The following CFAP54 variants were observed in gnomAD, a reference collection of about 807,000 sequenced individuals.
CFAP54 encodes the protein cilia and flagella associated protein 54.
A neutral mutation model predicts 370.4 loss-of-function variants in CFAP54; 290 were observed. The ratio of observed to expected loss-of-function variants is 0.78; its 90% CI spans 0.71 to 0.86. The LOEUF is 0.86. CFAP54 is among the 40% of genes least tolerant of loss of function. The pLI is 0.00. For synonymous variants in CFAP54, 1,206 were observed against 1,236.5 expected (o/e 0.98, Z 0.52); for missense variants, 3,399 against 3,528.7 (o/e 0.96, Z 0.93).
chr12:96,496,053 C>T (rs1203593696), intron 1 of CFAP54, among the ~76,000 whole-genome samples: 4 of 152,176 alleles, frequency 2.6e-5, no homozygotes, highest in African/African-American at 9.7e-5. Flanking sequence ...CAAAACACCT[C>T]TCCCCTTTTA....
At chr12:96,746,149 C>G (rs1958112262) in intron 55 of CFAP54, among the ~76,000 whole-genome samples, 1 of 152,108 alleles carries the variant, frequency 6.6e-6, no homozygotes, top group African/African-American at 2.4e-5. Context: ...ACTTTTACCC[C>G]TCTCTCACAT....
intron 40 of CFAP54, among the ~76,000 whole-genome samples, chr12:96,683,027 A>T (rs1479233757): frequency 6.6e-6 from 1 of 152,196 alleles, no homozygotes; most frequent in Non-Finnish European, 1.5e-5. Flanking sequence ...CCCATACGAT[A>T]GACCCAATGT....
chr12:96,708,791 C>G lies in CFAP54; in HGVS notation c.6712C>G (p.Pro2238Ala), dbSNP rs1468584458. The G allele has an allele frequency of 6.3e-7, 1 of 1,593,648 alleles. No individual in the cohort carries two copies. The highest frequency in any genetic ancestry group is 8.5e-7 in the Non-Finnish European group (1 of 1,170,868). The change falls in exon 48 of 68, where the codon CCA (proline) becomes GCA (alanine). Residue 2238 changes from proline (P) to alanine (A), a missense_variant. Physicochemically the swap from Pro to Ala is conservative, Grantham distance 27. Coordinates refer to ENST00000524981, the MANE Select transcript of CFAP54 (RefSeq NM_001306084.2). ...VITNKSKPNL[P>A]NLEEIYSKDD... ...TACCAACAAGAGCAAACCAAACCTA[C>G]CAAACTTGGAAGGTAATTGTTTTAT...
At chr12:96,725,843 A>G (rs568645973) in intron 50 of CFAP54, among the ~76,000 whole-genome samples, 2,581 of 151,886 alleles carry the variant, frequency 0.017, 58 homozygotes, top group African/African-American at 0.057. Context: ...ATTTTGAGAT[A>G]TGTCCCATCA....
intron 5 of CFAP54, among the ~76,000 whole-genome samples, chr12:96,516,993 T>G (rs1955243408): frequency 6.6e-6 from 1 of 151,018 alleles, no homozygotes; most frequent in Non-Finnish European, 1.5e-5. Flanking sequence ...ATCATTTGAC[T>G]TTTTAAAGTT....
At chr12:96,755,512 G>C (rs1958243974) in intron 56 of CFAP54, among the ~76,000 whole-genome samples, 1 of 151,974 alleles carries the variant, frequency 6.6e-6, no homozygotes, top group African/African-American at 2.4e-5. Flanking sequence ...TCAGTTAAGT[G>C]AGATCACGCA....
chr12:96,856,091 C>A (rs370024370), intron 66 of CFAP54, among the ~76,000 whole-genome samples: 10 of 152,274 alleles, frequency 6.6e-5, no homozygotes, highest in African/African-American at 2.2e-4. Context: ...GATGCCATGG[C>A]CTGAGCTGTA....
intron 50 of CFAP54, among the ~76,000 whole-genome samples, chr12:96,728,756 C>A (rs961945234): frequency 1.3e-5 from 2 of 152,128 alleles, no homozygotes; most frequent in Non-Finnish European, 2.9e-5. Context: ...AGGCGCTCTG[C>A]TTTTTAGAGT....
chr12:96,712,713 C>A (rs949572206), intron 48 of CFAP54, among the ~76,000 whole-genome samples: 1 of 152,156 alleles, frequency 6.6e-6, no homozygotes, highest in Non-Finnish European at 1.5e-5. Context: ...AACCACCGTT[C>A]TCTCTACCTC....
At chr12:96,792,218 A>G (rs1958706708) in intron 62 of CFAP54, 111 bp from the exon 63 acceptor site, 2 of 925,492 alleles carry the variant, frequency 2.2e-6, no homozygotes, top group Non-Finnish European at 3.1e-6. Flanking sequence ...TTACCTCCAT[A>G]AAACAAGCTG....
In CFAP54 at chr12:96,522,107, A is replaced by G; in HGVS notation, c.1076A>G (p.Lys359Arg). ...ATMKMAVMIF[K>R]RGVFESRRKN... is the part of the protein sequence containing the mutation. ...AGGCAGATGGCAGTGATGATCTTCA[A>G]AAGAGGAGTCTTTGAATCTAGAAGA... Residue 359 changes from lysine to arginine, a missense_variant, in exon 8 of 68, where the codon AAA becomes AGA. By Grantham distance (26) the Lys-to-Arg change is conservative. Around this residue, in one of 3 missense-constraint regions of CFAP54, gnomAD observed 559 missense variants for 576.7 expected, o/e 0.97. Transcript: ENST00000524981. 7.2e-6 allele frequency: 11 copies of G among 1,535,720 alleles called. No homozygotes were observed. Among genetic ancestry groups the G allele is most frequent in the African/African-American group, 1.4e-5 (1 of 73,148 alleles).
At chr12:96,752,102 G>C (rs1958191818) in intron 55 of CFAP54, among the ~76,000 whole-genome samples, 1 of 146,250 alleles carries the variant, frequency 6.8e-6, no homozygotes, top group African/African-American at 2.7e-5. Context: ...GAGAGAGAGA[G>C]AGAGAGAGAG....
chr12:96,560,614 C>T (rs536804020), intron 17 of CFAP54, among the ~76,000 whole-genome samples: 2 of 152,262 alleles, frequency 1.3e-5, no homozygotes, highest in East Asian at 1.9e-4. Flanking sequence ...CATAATCATG[C>T]AGGTGATGCT....
At chr12:96,702,082 A>G (rs1171510523) in intron 46 of CFAP54, among the ~76,000 whole-genome samples, 1 of 152,126 alleles carries the variant, frequency 6.6e-6, no homozygotes, top group Non-Finnish European at 1.5e-5. Context: ...TTGTGAAGGT[A>G]CAGCCAGCTG....
intron 60 of CFAP54, among the ~76,000 whole-genome samples, chr12:96,770,817 A>G (rs1958453174): frequency 6.6e-6 from 1 of 152,254 alleles, no homozygotes; most frequent in South Asian, 2.1e-4. Context: ...TAACTTGTGT[A>G]CTATTCCACT....
intron 25 of CFAP54, among the ~76,000 whole-genome samples, chr12:96,595,766 T>C (rs189931690): frequency 7.9e-5 from 12 of 152,186 alleles, no homozygotes; most frequent in Admixed American, 7.2e-4. Context: ...TGGAGTATGG[T>C]TCATCCAAAA....
At position 96,796,146 on chromosome 12, in the gene CFAP54, G is replaced by T. The variant is rs779837928; in HGVS notation, c.8850+3647G>T. ...CTCACAGTTTTGGCTATCTTATGGGGCCTGCAGCAGCAAGCCACTTCCTTC... is the reference window on the plus strand; with the variant it reads ...CTCACAGTTTTGGCTATCTTATGGGTCCTGCAGCAGCAAGCCACTTCCTTC... On this transcript the variant is annotated intron_variant, in intron 63 of 67. Coordinates refer to ENST00000524981, the MANE Select transcript of CFAP54 (RefSeq NM_001306084.2). Among the ~76,000 whole-genome samples the T allele has an allele frequency of 5.2e-4, 79 of 152,170 alleles. 1 individual carries two copies. The highest frequency in any genetic ancestry group is 1.0e-4 in the Non-Finnish European group (7 of 68,034).
intron 8 of CFAP54, among the ~76,000 whole-genome samples, chr12:96,522,786 A>G (rs940048003): frequency 9.9e-5 from 15 of 152,172 alleles, no homozygotes; most frequent in Non-Finnish European, 4.4e-5. Flanking sequence ...ATTGCTGGTC[A>G]TTTGGCCAGA....
intron 1 of CFAP54, among the ~76,000 whole-genome samples, chr12:96,494,620 T>C (rs1343575547): frequency 1.3e-5 from 2 of 152,104 alleles, no homozygotes; most frequent in Admixed American, 6.5e-5. Context: ...TTTTAAGATA[T>C]TATTCTGATG....
Sources: allele counts gnomAD v4.1 joint callset (sites outside exome capture counted in the v4.1 genomes callset), GRCh38; gene constraint gnomAD v4.1.1; regional missense constraint gnomAD v4.1.1; transcripts MANE v1.5; gene names NCBI Gene and HGNC (gene_info 2026-07-23, HGNC 2026-07-21).